HTT: variants seen among roughly 807,000 people sequenced by gnomAD.
HTT encodes huntington disease protein.
In HTT, 104 loss-of-function variants were observed where a neutral mutation model predicts 362.3. That is an observed-to-expected ratio of 0.29 (90% CI 0.24 to 0.34). The LOEUF (loss-of-function observed/expected upper bound fraction) is 0.34. Among genes scored for constraint, HTT ranks in the 10% least tolerant of loss-of-function variants. The probability of loss-of-function intolerance (pLI) is 1.00; values close to 1 mark genes in which losing one functional copy is unlikely to be tolerated. For synonymous variants in HTT, 1,577 were observed against 1,548.7 expected (o/e 1.02, Z -0.43); for missense variants, 3,301 against 3,928.6 (o/e 0.84, Z 4.27).
In HTT at chr4:3,233,360, G is replaced by A. The variant is rs1173185493; in HGVS notation, c.8456+7G>A. Reference sequence around the variant, plus strand: ...ACCTGAAAGGGATCGCCCAGTGAGTGGGAGCCTGGCTGGGGCTGGGGCGGG... The same window carrying A: ...ACCTGAAAGGGATCGCCCAGTGAGTAGGAGCCTGGCTGGGGCTGGGGCGGG... On this transcript the variant is annotated splice_region_variant and intron_variant, in intron 61 of 66. Transcript: ENST00000355072. 6.3e-7 allele frequency: 1 copy of A among 1,588,582 alleles called. No homozygotes were observed. The highest frequency in any genetic ancestry group is 1.7e-5 in the Admixed American group (1 of 59,576).
At chr4:3,088,188 GTTT>G (rs1351334116) in intron 2 of HTT, among the ~76,000 whole-genome samples, 2 of 100,040 alleles carry the variant, frequency 2.0e-5, no homozygotes, top group Non-Finnish European at 2.2e-5. Flanking sequence ...TTTCACTTTT[GTTT>G]TTTTTTTTTT....
intron 47 of HTT, among the ~76,000 whole-genome samples, chr4:3,211,671 C>T (rs983286954): frequency 6.6e-6 from 1 of 151,784 alleles, no homozygotes; most frequent in South Asian, 2.1e-4. Context: ...AATCCAAGAG[C>T]ATAAAAAATT....
rs547003156 is a variant in HTT at position 3,151,857 on chromosome 4, C to G, written c.3499-2436C>G. Among the ~76,000 whole-genome samples, 11 of 152,270 alleles carry G rather than the reference C, an allele frequency of 7.2e-5. No individual in the cohort carries two copies. In the South Asian group the frequency reaches 2.1e-3, roughly 29 times the overall value. Reference sequence around the variant, plus strand: ...CTTTATATTCTCTGCCACTTCTGGTCCAGACTGATATACTATCTCATTTGG... The same window carrying G: ...CTTTATATTCTCTGCCACTTCTGGTGCAGACTGATATACTATCTCATTTGG... On this transcript the variant is annotated intron_variant, in intron 26 of 66. Coordinates refer to ENST00000355072, the MANE Select transcript of HTT (RefSeq NM_001388492.1).
intron 64 of HTT, 123 bp from the exon 65 acceptor site, chr4:3,238,307 AGTCCCTCACGGCCGAGG>A (rs1471035247): frequency 1.7e-6 from 1 of 585,464 alleles, no homozygotes; most frequent in Non-Finnish European, 2.8e-6. Flanking sequence ...CCACTTGGAA[AGTCCCTCACGGCCGAGG>A]GTCCCTCCCA....
chr4:3,137,185 C>A (rs1330000854), intron 21 of HTT, among the ~76,000 whole-genome samples: 1 of 151,858 alleles, frequency 6.6e-6, no homozygotes. Context: ...GGATTACAGG[C>A]GTGAGCCATG....
chr4:3,186,838 CTT>C (rs1160738052), intron 38 of HTT, 119 bp downstream of exon 38: 20,477 of 244,882 alleles, frequency 0.084, no homozygotes, highest in South Asian at 0.12. Context: ...TGAGAGTTTG[CTT>C]TTTTTTTTTT....
chr4:3,081,671 G>C (rs1712916645), intron 1 of HTT, among the ~76,000 whole-genome samples: 1 of 145,888 alleles, frequency 6.9e-6, no homozygotes. Flanking sequence ...ACATTCTCCT[G>C]CACGGCCTCC....
chr4:3,098,142 C>G (rs957406170), intron 2 of HTT, among the ~76,000 whole-genome samples: 2 of 152,176 alleles, frequency 1.3e-5, no homozygotes, highest in African/African-American at 4.8e-5. Context: ...TGCTTTGGAG[C>G]ACAGTGTTTG....
chr4:3,199,875 C>G lies in HTT; in HGVS notation c.5512C>G (p.Gln1838Glu). Residue 1838 changes from glutamine (Q) to glutamate (E), a missense_variant, in exon 41 of 67, where the codon CAG (glutamine) becomes GAG (glutamate). This residue lies in a region of HTT where 2,316 missense variants were observed against 2,658.5 expected (regional missense o/e 0.87). Transcript: ENST00000355072. The part of the protein sequence containing the change: ...THPALVLLWC[Q>E]ILLLVNHTDY... ...CCCGGCCCTGGTGCTGCTCTGGTGT[C>G]AGATACTGCTGCTTGTCAACCACAC... 1 of 1,614,146 alleles carries G rather than the reference C, an allele frequency of 6.2e-7. No homozygotes were observed. The highest frequency in any genetic ancestry group is 8.5e-7 in the Non-Finnish European group (1 of 1,180,036).
At chr4:3,184,739 A>T (rs536788667) in intron 37 of HTT, among the ~76,000 whole-genome samples, 1 of 152,198 alleles carries the variant, frequency 6.6e-6, no homozygotes, top group African/African-American at 2.4e-5. Flanking sequence ...CATCAGGTGT[A>T]TGAGCCTGGA....
chr4:3,239,112 G>C, intron 66 of HTT, 134 bp downstream of exon 66: 1 of 954,966 alleles, frequency 1.0e-6, no homozygotes, highest in South Asian at 1.7e-5. Context: ...CTCAGCCCCA[G>C]GGAAGTAAAA....
chr4:3,179,587 G>A (rs1052123393), intron 35 of HTT, among the ~76,000 whole-genome samples: 42 of 148,412 alleles, frequency 2.8e-4, no homozygotes, highest in African/African-American at 5.7e-4. Flanking sequence ...AGGGTGCCTC[G>A]CGTGTGTGTG....
intron 6 of HTT, 47 bp from the exon 7 acceptor site, chr4:3,115,257 T>G: frequency 6.3e-7 from 1 of 1,586,980 alleles, no homozygotes; most frequent in Non-Finnish European, 8.6e-7. Flanking sequence ...CATGATAAGC[T>G]TCATAGGAGC....
chr4:3,116,715 G>A (rs1715047844), intron 8 of HTT, among the ~76,000 whole-genome samples: 1 of 152,192 alleles, frequency 6.6e-6, no homozygotes. Context: ...AGATAGGGAC[G>A]TGGTCGTTTG....
Position 3,209,785 on chromosome 4 carries a change from C to T in HTT, c.6292-42C>T, listed in dbSNP as rs763699202. The T allele has an allele frequency of 1.5e-5, 24 of 1,608,030 alleles. No homozygotes were observed. The African/African-American group carries it at 1.7e-4, about 12-fold the overall frequency. Reference sequence around the variant, plus strand: ...TCCAGGGATGTGAAGTCCCCTTGAACGCCGCCCATCATGTTCCCCTTATCC... The same window carrying T: ...TCCAGGGATGTGAAGTCCCCTTGAATGCCGCCCATCATGTTCCCCTTATCC... On this transcript the variant is annotated intron_variant, in intron 46 of 66. Transcript: ENST00000355072.
intron 22 of HTT, 114 bp from the exon 23 acceptor site, chr4:3,142,652 G>A (rs1467311243): frequency 5.4e-6 from 3 of 557,564 alleles, no homozygotes; most frequent in Non-Finnish European, 9.4e-6. Flanking sequence ...TCACTTAAAA[G>A]TTGAGACTGC....
chr4:3,157,131 A>T lies in HTT; in HGVS notation c.3685A>T (p.Ser1229Cys), dbSNP rs1275135995. Reference protein sequence around the residue: ...VTTSKSSSLGSFYHLPSYLKL... With the variant: ...VTTSKSSSLGCFYHLPSYLKL... The stretch of plus-strand genomic sequence containing the variant: ...AACAAGTAAATCCTCATCACTGGGG[A>T]GTTTCTATCATCTTCCTTCATACCT... The change falls in exon 28 of 67, where the codon AGT becomes TGT. Residue 1229 changes from serine to cysteine, a missense_variant. Coordinates refer to ENST00000355072, the MANE Select transcript of HTT (RefSeq NM_001388492.1). 6.2e-7 allele frequency: 1 copy of T among 1,612,942 alleles called. No individual in the cohort carries two copies. The highest frequency in any genetic ancestry group is 1.1e-5 in the South Asian group (1 of 91,058).
chr4:3,234,772 G>C (rs888152694), intron 61 of HTT, among the ~76,000 whole-genome samples: 2 of 152,162 alleles, frequency 1.3e-5, no homozygotes, highest in East Asian at 3.8e-4. Flanking sequence ...TTTTGTGGGT[G>C]TTGGGGGGCA....
chr4:3,144,403 C>T (rs774601077), intron 23 of HTT, among the ~76,000 whole-genome samples: 2 of 152,152 alleles, frequency 1.3e-5, no homozygotes, highest in Non-Finnish European at 2.9e-5. Context: ...CTGCAGCCTC[C>T]GCTTCCTGGG....
Sources: allele counts gnomAD v4.1 joint callset (sites outside exome capture counted in the v4.1 genomes callset), GRCh38; gene constraint gnomAD v4.1.1; regional missense constraint gnomAD v4.1.1; transcripts MANE v1.5; gene names NCBI Gene and HGNC (gene_info 2026-07-23, HGNC 2026-07-21).